Variants in CMIP observed in about 807,000 individuals in gnomAD.
CMIP encodes the protein c-Maf inducing protein.
A neutral mutation model predicts 97.3 loss-of-function variants in CMIP; 13 were observed. The observed-to-expected ratio is 0.13, with a 90% CI of 0.09 to 0.21. The LOEUF is 0.21. Ranked by LOEUF, CMIP falls within the 10% of genes least tolerant of loss-of-function variation. The pLI is 1.00. For missense variants in CMIP, 847 were observed against 1,024.9 expected (o/e 0.83, Z 2.37); for synonymous variants, 538 against 436.3 (o/e 1.23, Z -2.91).
intron 1 of CMIP, among the ~76,000 whole-genome samples, chr16:81,490,591 G>T (rs1416339448): frequency 6.6e-6 from 1 of 152,198 alleles, no homozygotes; most frequent in African/African-American, 2.4e-5. Flanking sequence ...TCGCACTCTA[G>T]CCTGGGCGAC....
chr16:81,596,647 C>T (rs191207326), intron 1 of CMIP, among the ~76,000 whole-genome samples: 13 of 152,264 alleles, frequency 8.5e-5, no homozygotes, highest in Admixed American at 7.2e-4. Flanking sequence ...AGAATGCTGC[C>T]AGCCCTCCCC....
rs137991510 is a variant in CMIP, at chr16:81,693,584, C to T, written c.1530+97C>T. On this transcript the variant is annotated intron_variant, in intron 13 of 20. Coordinates refer to ENST00000537098, the MANE Select transcript of CMIP (RefSeq NM_198390.3). Reference sequence around the variant, plus strand: ...CCTTCTGAAGCTTGTCACCAACAGGCATTCAGAACAGCTTTCAGAGACCCA... The same window carrying T: ...CCTTCTGAAGCTTGTCACCAACAGGTATTCAGAACAGCTTTCAGAGACCCA... 7.2e-5 allele frequency: 95 copies of T among 1,323,832 alleles called. No individual in the cohort carries two copies. The East Asian group carries it at 2.3e-3, about 32-fold the overall frequency. The allele number at this position is 1,323,832 out of a possible 1,614,324, so 82.0% of individuals were successfully genotyped here.
intron 1 of CMIP, among the ~76,000 whole-genome samples, chr16:81,477,230 A>G (rs944174610): frequency 4.6e-5 from 7 of 151,676 alleles, no homozygotes; most frequent in Non-Finnish European, 7.4e-5. Flanking sequence ...GTCTCGGCTC[A>G]CTGCAACCTC....
chr16:81,466,988 G>A (rs1907242690), intron 1 of CMIP, among the ~76,000 whole-genome samples: 1 of 152,166 alleles, frequency 6.6e-6, no homozygotes, highest in Non-Finnish European at 1.5e-5. Context: ...TGATTGAGGT[G>A]ACCAGAACAT....
rs577703364 is a variant in CMIP at position 81,672,088 on chromosome 16, C to T, written c.1034+18C>T. ...ATCAACAGGTCAGTTGCTGAACCAC[C>T]GCCACCCAGAGGGCTTGGGAGGGGC... On this transcript the variant is annotated intron_variant, in intron 9 of 20. Transcript: ENST00000537098. 42 of 1,477,260 alleles carry T rather than the reference C, an allele frequency of 2.8e-5. 1 individual carries two copies. Among genetic ancestry groups the T allele is most frequent in the South Asian group, 1.8e-4 (15 of 83,434 alleles). 91.5% of individuals were successfully genotyped at this position (1,477,260 alleles called of 1,614,324 possible).
At chr16:81,574,097 A>C (rs993660143) in intron 1 of CMIP, among the ~76,000 whole-genome samples, 2 of 152,232 alleles carry the variant, frequency 1.3e-5, no homozygotes, top group African/African-American at 4.8e-5. Flanking sequence ...CACACTAGCC[A>C]CATTGTGAGT....
At chr16:81,474,850 C>T (rs1306872877) in intron 1 of CMIP, among the ~76,000 whole-genome samples, 1 of 152,200 alleles carries the variant, frequency 6.6e-6, no homozygotes, top group Non-Finnish European at 1.5e-5. Context: ...GCCCTGCCTC[C>T]AGCCATGGGG....
rs185435563 is a variant in CMIP at position 81,565,446 on chromosome 16, C to G, written c.301-42121C>G. The stretch of plus-strand genomic sequence containing the variant: ...TGCACTCCATCCTCCTGCTCCCCTC[C>G]TGGTAACACAGGGCCGCCAGCTTCC... On this transcript the variant is annotated intron_variant, in intron 1 of 20. Coordinates refer to ENST00000537098, the MANE Select transcript of CMIP (RefSeq NM_198390.3). 3.5e-3 allele frequency among the ~76,000 whole-genome samples: 527 copies of G among 152,326 alleles called. 1 individual carries two copies. The highest frequency in any genetic ancestry group is 8.7e-3 in the South Asian group (42 of 4,828).
chr16:81,678,635 G>GC lies in CMIP; in HGVS notation c.1388+15dup, dbSNP rs74910737. On this transcript the variant is annotated splice_region_variant and intron_variant, in intron 10 of 20. Transcript: ENST00000537098. ...TGGAAATCCTCAAGCTGCTGTGAGT[G>GC]CCCCCCCCGCGTGCCCGCCCCCGGG... is the stretch of plus-strand genomic sequence containing the variant. 0.15 allele frequency: 204,234 copies of GC among 1,365,966 alleles called. 15,352 individuals are homozygous for GC. Among genetic ancestry groups the GC allele is most frequent in the African/African-American group, 0.28 (19,650 of 70,308 alleles). The allele number at this position is 1,365,966 out of a possible 1,614,324, so 84.6% of individuals were successfully genotyped here.
intron 6 of CMIP, among the ~76,000 whole-genome samples, chr16:81,662,409 G>C (rs9934507): frequency 0.63 from 95,392 of 152,036 alleles, 30,478 homozygotes; most frequent in African/African-American, 0.74. Context: ...GTAGAAAAAG[G>C]TACCCTTTTT....
At chr16:81,485,795 G>T (rs1372944544) in intron 1 of CMIP, among the ~76,000 whole-genome samples, 16 of 152,348 alleles carry the variant, frequency 1.1e-4, no homozygotes, top group Non-Finnish European at 1.9e-4. Flanking sequence ...AAATGCAGAA[G>T]GGGAAGCTGA....
At chr16:81,681,491 T>G (rs1454827539) in intron 10 of CMIP, among the ~76,000 whole-genome samples, 1 of 152,212 alleles carries the variant, frequency 6.6e-6, no homozygotes, top group Non-Finnish European at 1.5e-5. Context: ...CAAGTATGGC[T>G]GCATCTGGCA....
intron 1 of CMIP, among the ~76,000 whole-genome samples, chr16:81,497,351 C>T (rs1567544563): frequency 6.6e-6 from 1 of 152,124 alleles, no homozygotes; most frequent in Non-Finnish European, 1.5e-5. Flanking sequence ...GTGATTGTTA[C>T]TGTGTAGGAA....
chr16:81,523,381 G>A (rs1018575067), intron 1 of CMIP, among the ~76,000 whole-genome samples: 2 of 152,066 alleles, frequency 1.3e-5, no homozygotes, highest in Admixed American at 6.6e-5. Context: ...ATCTGAGTGC[G>A]AGGCCTGAAT....
chr16:81,615,783 T>C (rs1363236796), intron 2 of CMIP, among the ~76,000 whole-genome samples: 1 of 152,020 alleles, frequency 6.6e-6, no homozygotes, highest in East Asian at 1.9e-4. Context: ...GCATAAATGT[T>C]GACATTACAT....
chr16:81,537,885 G>C (rs1001677721), intron 1 of CMIP, among the ~76,000 whole-genome samples: 1 of 151,966 alleles, frequency 6.6e-6, no homozygotes, highest in Non-Finnish European at 1.5e-5. Context: ...GCAAGGGTCA[G>C]CTGAAGGTGT....
intron 4 of CMIP, among the ~76,000 whole-genome samples, chr16:81,654,329 C>A (rs1045481042): frequency 6.6e-6 from 1 of 152,140 alleles, no homozygotes; most frequent in African/African-American, 2.4e-5. Flanking sequence ...ACCTTGGCCT[C>A]CCAAAGTGCT....
At position 81,568,650 on chromosome 16, in the gene CMIP, T is replaced by C. The variant is rs370806876; in HGVS notation, c.301-38917T>C. On this transcript the variant is annotated intron_variant, in intron 1 of 20. Transcript: ENST00000537098. ...TGTTTCTCGCTTTCAACCCAGTAAG[T>C]AGGAATCAGCCTAACAGATCAGCAA... 3.5e-4 allele frequency among the ~76,000 whole-genome samples: 53 copies of C among 152,246 alleles called. No homozygotes were observed. The South Asian group carries it at 5.8e-3, about 17-fold the overall frequency.
At chr16:81,691,917 G>A in intron 11 of CMIP, 77 bp downstream of exon 11, 2 of 1,258,600 alleles carry the variant, frequency 1.6e-6, no homozygotes, top group Non-Finnish European at 2.3e-6. Context: ...CTTAGTGGGG[G>A]GCCAGTCATG....
Sources: gnomAD v4.1 joint callset for allele counts (sites outside exome capture counted in the v4.1 genomes callset) on GRCh38, gnomAD v4.1.1 for gene constraint, MANE v1.5 for transcripts, NCBI Gene and HGNC (gene_info 2026-07-23, HGNC 2026-07-21) for gene names.